The following SH3BP1 variants were observed in gnomAD, a reference collection of about 807,000 sequenced individuals.
SH3BP1 encodes the protein SH3 domain-binding protein 1.
Under a neutral mutation model 69.8 loss-of-function variants are expected in SH3BP1, and 46 were observed. That is an observed-to-expected ratio of 0.66 (90% CI 0.52 to 0.84). The LOEUF is 0.84. Ranked by LOEUF, SH3BP1 falls within the 40% of genes least tolerant of loss-of-function variation. The pLI is 0.00. For synonymous variants in SH3BP1, 403 were observed against 378.0 expected, an observed-to-expected ratio of 1.07 and a Z score of -0.77; for missense variants, 868 against 930.9, an observed-to-expected ratio of 0.93 and a Z score of 0.88.
Position 37,655,500 on chromosome 22 carries a change from C to A in SH3BP1, c.1922C>A (p.Ser641Tyr). The A allele has an allele frequency of 6.4e-7, 1 of 1,558,900 alleles. No individual in the cohort carries two copies. Among genetic ancestry groups the A allele is most frequent in the Non-Finnish European group, 8.7e-7 (1 of 1,151,690 alleles). Reference protein sequence around the residue: ...ARRQSRRSPASPSPASPGPAS... With the variant: ...ARRQSRRSPAYPSPASPGPAS... ...CGCCAAAGCCGGCGTTCACCAGCCT[C>A]CCCCAGCCCGGCCTCCCCAGGTCCA... The change falls in exon 18 of 18, where the codon TCC becomes TAC. Residue 641 changes from serine (S) to tyrosine (Y), a missense_variant. Transcript: ENST00000649765.
At chr22:37,644,795 G>A in intron 8 of SH3BP1, 75 bp from the exon 9 acceptor site, 1 of 1,603,120 alleles carries the variant, frequency 6.2e-7, no homozygotes, top group East Asian at 2.2e-5. Flanking sequence ...GGTGGAGGGG[G>A]CGTCTGCTCT....
chr22:37,643,519 C>A, intron 6 of SH3BP1, 125 bp from the exon 7 acceptor site: 1 of 1,363,414 alleles, frequency 7.3e-7, no homozygotes, highest in Non-Finnish European at 1.0e-6. Context: ...AGGCCCCGGC[C>A]AGTGGAGCTC....
chr22:37,655,444 GTT>G lies in SH3BP1; in HGVS notation c.1867_1868del (p.Leu623ThrfsTer36). On this transcript the variant is annotated frameshift_variant, in exon 18 of 18. Transcript: ENST00000649765. LOFTEE classifies it low-confidence loss of function (END_TRUNC). ...TCCGAGCCCCCACAGTGCCACCCCC[GTT>G]ACCCCCCACACCCCCTCAGCCTGCC... ...SLRAPTVPPP[L>X]PPTPPQPARR... 4 of 275,784 alleles carry G rather than the reference GTT, an allele frequency of 1.5e-5. No homozygotes were observed. Among genetic ancestry groups the G allele is most frequent in the Non-Finnish European group, 2.1e-5 (4 of 187,644 alleles). The allele number at this position is 275,784 out of a possible 1,614,324, so 17.1% of individuals were successfully genotyped here. A position where few individuals can be genotyped will look rare whatever the true frequency, so the allele number is the denominator to read the frequency against.
intron 13 of SH3BP1, 131 bp downstream of exon 13, chr22:37,647,652 G>A: frequency 1.9e-6 from 1 of 540,258 alleles, no homozygotes; most frequent in Non-Finnish European, 3.0e-6. Context: ...ATGCAGCTTT[G>A]ATGGATTAGT....
chr22:37,650,940 A>C (rs994050831), intron 16 of SH3BP1, among the ~76,000 whole-genome samples: 5 of 152,188 alleles, frequency 3.3e-5, no homozygotes, highest in Non-Finnish European at 5.9e-5. Flanking sequence ...ATCATGTAGC[A>C]ATTTCCTGAG....
Position 37,644,863 on chromosome 22 carries a change from C to A in SH3BP1, c.688-7C>A. 1.2e-6 allele frequency: 2 copies of A among 1,613,892 alleles called. No homozygotes were observed. The highest frequency in any genetic ancestry group is 2.7e-5 in the African/African-American group (2 of 75,058). Reference sequence around the variant, plus strand: ...CTTCCGCTCAGGGTGTCCCTTCATCCCCACAGCTCCTGGAGATTCAGGCCG... The same window carrying A: ...CTTCCGCTCAGGGTGTCCCTTCATCACCACAGCTCCTGGAGATTCAGGCCG... On this transcript the variant is annotated splice_region_variant and splice_polypyrimidine_tract_variant and intron_variant, in intron 8 of 17. Transcript: ENST00000649765.
At position 37,655,569 on chromosome 22, in the gene SH3BP1, AC is replaced by A; in HGVS notation, c.1993del (p.Leu665TrpfsTer44). ...TCTTTGAGTAACCCTGCACAGGTGG[AC>A]CTGGGGGCTGCCACAGCAGAGGGAG... is the stretch of plus-strand genomic sequence containing the variant. ...PVSLSNPAQV[D>X]LGAATAEGGA... On this transcript the variant is annotated frameshift_variant, in exon 18 of 18. Transcript: ENST00000649765. LOFTEE classifies it low-confidence loss of function (END_TRUNC). 1.9e-6 allele frequency: 3 copies of A among 1,587,536 alleles called. No homozygotes were observed. The South Asian group carries it at 3.4e-5, about 18-fold the overall frequency.
chr22:37,647,165 C>A, intron 11 of SH3BP1, 102 bp from the exon 12 acceptor site: 2 of 1,050,070 alleles, frequency 1.9e-6, no homozygotes, highest in Non-Finnish European at 2.9e-6. Context: ...AACTGTCAGA[C>A]CTAGACACGT....
Position 37,655,880 on chromosome 22 carries a change from C to T in SH3BP1, c.*196C>T, listed in dbSNP as rs1400686321. 13 of 1,549,746 alleles carry T rather than the reference C, an allele frequency of 8.4e-6. No individual in the cohort carries two copies. The highest frequency in any genetic ancestry group is 1.2e-5 in the South Asian group (1 of 85,120). The stretch of plus-strand genomic sequence containing the variant: ...TATTTCCTGACCTTTTCCTCGTCCA[C>T]CCTGGGCTTGGGGACCCCCCCACCG... On this transcript the variant is annotated 3_prime_UTR_variant, in exon 18 of 18. Coordinates refer to ENST00000649765, the MANE Select transcript of SH3BP1 (RefSeq NM_018957.6).
intron 11 of SH3BP1, 146 bp downstream of exon 11, chr22:37,647,075 GC>G: frequency 1.4e-6 from 1 of 735,770 alleles, no homozygotes; most frequent in Non-Finnish European, 2.2e-6. Flanking sequence ...TCCATCATGA[GC>G]CCCCCGAAAA....
At position 37,642,892 on chromosome 22, in the gene SH3BP1, C is replaced by T. The variant is rs1004083849; in HGVS notation, c.285-3C>T. 3 of 1,612,116 alleles carry T rather than the reference C, an allele frequency of 1.9e-6. No homozygotes were observed. Among genetic ancestry groups the T allele is most frequent in the Non-Finnish European group, 2.5e-6 (3 of 1,179,738 alleles). On this transcript the variant is annotated splice_region_variant and splice_polypyrimidine_tract_variant and intron_variant, in intron 4 of 17. Transcript: ENST00000649765. ...CTGGACCCATGGGGTGCCGTGTCCA[C>T]AGGAAGGCCTTGGAGATGAGCTGTG...
rs765384634 is a variant in SH3BP1, at chr22:37,647,529, C to G, written c.1199+8C>G. ...GAACCTCAGCAACCTCAGGTGAGCC[C>G]GAGCCCGCCTCCCCAGCCTGCCGCA... On this transcript the variant is annotated splice_region_variant and intron_variant, in intron 13 of 17. Transcript: ENST00000649765. The G allele has an allele frequency of 1.1e-5, 17 of 1,589,472 alleles. No homozygotes were observed. In the African/African-American group the frequency reaches 1.8e-4, roughly 16 times the overall value.
At position 37,644,901 on chromosome 22, in the gene SH3BP1, G is replaced by A. The variant is rs1226861104; in HGVS notation, c.719G>A (p.Arg240Lys). The A allele has an allele frequency of 1.2e-6, 2 of 1,614,050 alleles. No individual in the cohort carries two copies. The highest frequency in any genetic ancestry group is 1.7e-6 in the Non-Finnish European group (2 of 1,180,032). The part of the protein sequence containing the change: ...LLEIQADYHR[R>K]SLSSLDTALA... The stretch of plus-strand genomic sequence containing the variant: ...GAGATTCAGGCCGATTACCATCGCA[G>A]GTCACTGAGCTCGCTGGACACAGCC... The change falls in exon 9 of 18, where the codon AGG becomes AAG. Residue 240 changes from arginine (R) to lysine (K), a missense_variant. Physicochemically the swap from Arg to Lys is conservative, Grantham distance 26 (BLOSUM62 2). Around this residue, in one of 3 missense-constraint regions of SH3BP1, gnomAD observed 387 missense variants for 447.9 expected, o/e 0.86. Transcript: ENST00000649765.
rs1361940666 is a variant in SH3BP1 at position 37,656,018 on chromosome 22, A to G, written c.*334A>G. On this transcript the variant is annotated 3_prime_UTR_variant, in exon 18 of 18. Transcript: ENST00000649765. ...CGACATGTTTTTTGTAAGGCTGGTA[A>G]ATAAATTATTTTGGACAAAACTGGA... 3 of 1,435,370 alleles carry G rather than the reference A, an allele frequency of 2.1e-6. No homozygotes were observed. 88.9% of individuals were successfully genotyped at this position (1,435,370 alleles called of 1,614,324 possible).
In SH3BP1 at chr22:37,642,895, G is replaced by A. The variant is rs1433841461; in HGVS notation, c.285G>A (p.Gly95=). The A allele has an allele frequency of 3.1e-6, 5 of 1,612,290 alleles. No individual in the cohort carries two copies. In the South Asian group the frequency reaches 4.4e-5, roughly 14 times the overall value. ...FKELDPDSSM[G]KALEMSCAIQ... is the part of the protein sequence containing the mutation. ...GACCCATGGGGTGCCGTGTCCACAG[G>A]AAGGCCTTGGAGATGAGCTGTGCCA... Residue 95 remains glycine, a splice_region_variant and synonymous_variant, in exon 5 of 18, where the codon GGG becomes GGA. Coordinates refer to ENST00000649765, the MANE Select transcript of SH3BP1 (RefSeq NM_018957.6).
At chr22:37,653,409 C>G (rs1439199974) in intron 16 of SH3BP1, among the ~76,000 whole-genome samples, 1 of 152,130 alleles carries the variant, frequency 6.6e-6, no homozygotes, top group Non-Finnish European at 1.5e-5. Flanking sequence ...GCACTCCAGC[C>G]TGGGCGACAG....
intron 10 of SH3BP1, among the ~76,000 whole-genome samples, chr22:37,646,118 C>T (rs1932782236): frequency 6.6e-6 from 1 of 151,962 alleles, no homozygotes; most frequent in East Asian, 1.9e-4. Flanking sequence ...AGGCATGCAC[C>T]ACCACGCCCA....
intron 4 of SH3BP1, 116 bp from the exon 5 acceptor site, chr22:37,642,779 C>T: frequency 1.9e-6 from 3 of 1,594,386 alleles, no homozygotes; most frequent in Non-Finnish European, 2.6e-6. Flanking sequence ...TTCAGCTTAG[C>T]AGAGATGAAG....
chr22:37,644,492 A>T (rs1423026553), intron 7 of SH3BP1, 145 bp from the exon 8 acceptor site: 9 of 806,826 alleles, frequency 1.1e-5, no homozygotes, highest in Non-Finnish European at 1.9e-5. Context: ...CCAAGCACCA[A>T]CCTTGGCAGA....
Sources: gnomAD v4.1 joint callset for allele counts (sites outside exome capture counted in the v4.1 genomes callset) on GRCh38, gnomAD v4.1.1 for gene constraint, gnomAD v4.1.1 regional missense constraint, MANE v1.5 for transcripts, NCBI Gene and HGNC (gene_info 2026-07-23, HGNC 2026-07-21) for gene names.